The following SLC22A25 variants were observed in gnomAD, a reference collection of about 807,000 sequenced individuals.
The protein encoded by SLC22A25 is MGI:2442751, MGI:2385316, MGI:3042283, MGI:3645714, MGI:3605624, MGI:2442750.
A neutral mutation model predicts 45.9 loss-of-function variants in SLC22A25; 44 were observed. The ratio of observed to expected loss-of-function variants is 0.96; its 90% CI spans 0.75 to 1.23. The LOEUF (loss-of-function observed/expected upper bound fraction) is 1.23. Ranked by LOEUF, SLC22A25 falls within the 50% of genes most tolerant of loss-of-function variation. SLC22A25 has a pLI of 0.00. For synonymous variants in SLC22A25, 283 were observed against 238.6 expected (o/e 1.19, Z -1.72); for missense variants, 800 against 666.4 (o/e 1.20, Z -2.21).
At chr11:63,211,731 C>G (rs953754073) in intron 7 of SLC22A25, among the ~76,000 whole-genome samples, 4 of 152,104 alleles carry the variant, frequency 2.6e-5, no homozygotes, top group Non-Finnish European at 4.4e-5. Context: ...AAAACCTAGG[C>G]AATACCATTC....
intron 9 of SLC22A25, among the ~76,000 whole-genome samples, chr11:63,170,830 C>G (rs74884191): frequency 6.8e-6 from 1 of 147,190 alleles, no homozygotes; most frequent in Non-Finnish European, 1.5e-5. Context: ...CAGCATTATC[C>G]TGATACCAAA....
At chr11:63,195,694 A>T (rs2088999516) in intron 7 of SLC22A25, among the ~76,000 whole-genome samples, 1 of 152,186 alleles carries the variant, frequency 6.6e-6, no homozygotes, top group Non-Finnish European at 1.5e-5. Flanking sequence ...AATTAAAAGA[A>T]CTAGAGAAAC....
At chr11:63,186,910 G>A (rs1401129413) in intron 7 of SLC22A25, among the ~76,000 whole-genome samples, 2 of 152,086 alleles carry the variant, frequency 1.3e-5, no homozygotes, top group African/African-American at 4.8e-5. Context: ...CTATATCTCT[G>A]TTTTGGTACC....
At chr11:63,203,763 A>G (rs1401944234) in intron 7 of SLC22A25, among the ~76,000 whole-genome samples, 1 of 152,190 alleles carries the variant, frequency 6.6e-6, no homozygotes, top group African/African-American at 2.4e-5. Flanking sequence ...AACTTCCCCA[A>G]CCTAGCAAGA....
At chr11:63,209,526 G>GA (rs1373914993) in intron 7 of SLC22A25, among the ~76,000 whole-genome samples, 4 of 152,190 alleles carry the variant, frequency 2.6e-5, no homozygotes, top group South Asian at 2.1e-4. Context: ...GCCCCCGTTA[G>GA]AAAAAAACAG....
intron 7 of SLC22A25, among the ~76,000 whole-genome samples, chr11:63,199,272 C>T (rs2089162751): frequency 6.6e-6 from 1 of 152,054 alleles, no homozygotes; most frequent in South Asian, 2.1e-4. Context: ...ATATTATGAA[C>T]ACCTCTATGC....
intron 3 of SLC22A25, among the ~76,000 whole-genome samples, chr11:63,232,850 T>C (rs2090095237): frequency 6.6e-6 from 1 of 152,238 alleles, no homozygotes; most frequent in Non-Finnish European, 1.5e-5. Flanking sequence ...TGAAGTGTTG[T>C]TGCATTTTGT....
intron 7 of SLC22A25, among the ~76,000 whole-genome samples, chr11:63,202,165 C>T (rs2089265687): frequency 6.6e-6 from 1 of 152,092 alleles, no homozygotes; most frequent in Admixed American, 6.5e-5. Flanking sequence ...CAGGAGATTC[C>T]CTTGGGTGCT....
chr11:63,233,058 G>A (rs1353483462), intron 3 of SLC22A25, among the ~76,000 whole-genome samples: 1 of 152,030 alleles, frequency 6.6e-6, no homozygotes, highest in Non-Finnish European at 1.5e-5. Context: ...GAGGATTTTT[G>A]CATCAATGTT....
intron 7 of SLC22A25, among the ~76,000 whole-genome samples, chr11:63,196,437 A>C (rs1255076763): frequency 6.6e-6 from 1 of 152,218 alleles, no homozygotes. Flanking sequence ...CCTGGGATGC[A>C]AGGCTGGTTC....
chr11:63,187,987 G>T (rs570838465), intron 7 of SLC22A25, among the ~76,000 whole-genome samples: 1 of 152,186 alleles, frequency 6.6e-6, no homozygotes, highest in South Asian at 2.1e-4. Context: ...GTTCATCAGG[G>T]ATATTGGTCT....
intron 7 of SLC22A25, chr11:63,208,235 A>G (rs544848164): frequency 2.6e-5 from 4 of 152,450 alleles, no homozygotes; most frequent in African/African-American, 9.6e-5. Context: ...TGGCAGTGCA[A>G]TGGAGCCAGG....
intron 7 of SLC22A25, among the ~76,000 whole-genome samples, chr11:63,200,076 A>G (rs2089191291): frequency 6.6e-6 from 1 of 152,060 alleles, no homozygotes; most frequent in African/African-American, 2.4e-5. Flanking sequence ...CACCAAATGT[A>G]CAGAGAAGAG....
Position 63,180,649 on chromosome 11 carries a change from A to G in SLC22A25, c.1070+11T>C, listed in dbSNP as rs768621845. 4.4e-6 allele frequency: 7 copies of G among 1,593,124 alleles called. No homozygotes were observed. In the South Asian group the frequency reaches 7.8e-5, roughly 18 times the overall value. On this transcript the variant is annotated intron_variant, in intron 9 of 11. Coordinates refer to ENST00000306494, the MANE Select transcript of SLC22A25 (RefSeq NM_199352.6). ...TATTTTAACATTCCTCACACACTGC[A>G]TGAAACTTACCTCACAAAGGACAGG...
At chr11:63,179,329 T>C (rs1257272644) in intron 9 of SLC22A25, among the ~76,000 whole-genome samples, 1 of 152,150 alleles carries the variant, frequency 6.6e-6, no homozygotes, top group Non-Finnish European at 1.5e-5. Context: ...ATTTCTCTGT[T>C]TCTTCGTGTT....
intron 5 of SLC22A25, among the ~76,000 whole-genome samples, chr11:63,224,139 T>C (rs182577817): frequency 8.5e-5 from 13 of 152,242 alleles, no homozygotes; most frequent in Non-Finnish European, 1.3e-4. Flanking sequence ...AGTGCACCAA[T>C]GTTGTGCGTA....
chr11:63,165,519 C>T (rs920093790), intron 10 of SLC22A25, among the ~76,000 whole-genome samples: 12 of 152,154 alleles, frequency 7.9e-5, no homozygotes, highest in Non-Finnish European at 1.3e-4. Context: ...CATAAAGATA[C>T]GGGACTTTTG....
chr11:63,222,686 C>G (rs984745486), intron 5 of SLC22A25, among the ~76,000 whole-genome samples: 1 of 151,942 alleles, frequency 6.6e-6, no homozygotes, highest in African/African-American at 2.4e-5. Context: ...TGTGGGCATC[C>G]TTGTTGTGTT....
At chr11:63,220,551 G>T (rs1221382672) in intron 5 of SLC22A25, among the ~76,000 whole-genome samples, 4 of 152,112 alleles carry the variant, frequency 2.6e-5, no homozygotes, top group African/African-American at 4.8e-5. Context: ...GACATACAAT[G>T]TGTTATAATC....
Sources: allele counts gnomAD v4.1 joint callset (sites outside exome capture counted in the v4.1 genomes callset), GRCh38; gene constraint gnomAD v4.1.1; transcripts MANE v1.5; gene names NCBI Gene and HGNC (gene_info 2026-07-23, HGNC 2026-07-21).